The following DLGAP1 variants were observed in gnomAD, a reference collection of about 807,000 sequenced individuals.
DLGAP1 encodes DLG associated protein 1.
DLGAP1 carries 11 observed loss-of-function variants against 90.8 expected under a neutral mutation model. The observed-to-expected ratio is 0.12, with a 90% CI of 0.08 to 0.20. The LOEUF (loss-of-function observed/expected upper bound fraction) is 0.20, where lower values mean the gene tolerates loss of function less well. DLGAP1 is among the 10% of genes least tolerant of loss of function. DLGAP1 has a pLI of 1.00. For synonymous variants in DLGAP1, 558 were observed against 540.7 expected (o/e 1.03, Z -0.44); for missense variants, 1,050 against 1,333.8 (o/e 0.79, Z 3.31).
At chr18:3,764,081 T>C (rs1598639836) in intron 5 of DLGAP1, among the ~76,000 whole-genome samples, 1 of 152,248 alleles carries the variant, frequency 6.6e-6, no homozygotes. Context: ...GTGCGTTACA[T>C]GGCCCTATGC....
chr18:3,552,530 G>T (rs758034823), intron 9 of DLGAP1, among the ~76,000 whole-genome samples: 8 of 152,188 alleles, frequency 5.3e-5, no homozygotes, highest in Non-Finnish European at 7.3e-5. Context: ...CATGTAGAGG[G>T]TTCTGTGCCT....
At chr18:3,845,634 T>C (rs1054159638) in intron 4 of DLGAP1, 2 of 984,738 alleles carry the variant, frequency 2.0e-6, no homozygotes, top group Admixed American at 1.2e-4. Context: ...AATTCTGGGC[T>C]ATTGATCACT....
chr18:4,115,331 C>T, intron 2 of DLGAP1, among the ~76,000 whole-genome samples: 1 of 130,218 alleles, frequency 7.7e-6, no homozygotes. Context: ...TTTACATAAT[C>T]TTATGTTTTT....
intron 7 of DLGAP1, among the ~76,000 whole-genome samples, chr18:3,649,291 C>G (rs1427608034): frequency 6.6e-6 from 1 of 152,228 alleles, no homozygotes; most frequent in Non-Finnish European, 1.5e-5. Context: ...ATCGAACACT[C>G]CAAACTGGGG....
At chr18:3,719,426 C>T (rs1489227696) in intron 7 of DLGAP1, among the ~76,000 whole-genome samples, 7 of 151,614 alleles carry the variant, frequency 4.6e-5, no homozygotes, top group African/African-American at 7.3e-5. Flanking sequence ...GGTGTGGTGG[C>T]GGGCACCTGT....
chr18:4,327,425 G>A (rs1047544791), intron 1 of DLGAP1, among the ~76,000 whole-genome samples: 2 of 151,954 alleles, frequency 1.3e-5, no homozygotes, highest in Admixed American at 1.3e-4. Flanking sequence ...GAAGGTGTAA[G>A]TAATCAAGAG....
intron 1 of DLGAP1, among the ~76,000 whole-genome samples, chr18:4,434,018 G>A (rs944993937): frequency 2.0e-5 from 3 of 151,984 alleles, no homozygotes; most frequent in Admixed American, 2.0e-4. Context: ...AGCCCTTTCA[G>A]TTACTCACTT....
intron 3 of DLGAP1, among the ~76,000 whole-genome samples, chr18:3,927,004 TA>T (rs151070122): frequency 6.6e-6 from 1 of 151,982 alleles, no homozygotes; most frequent in Admixed American, 6.6e-5. Context: ...GGCAGCAAAT[TA>T]AAAAAATTTA....
At chr18:4,063,398 A>G (rs1052958379) in intron 2 of DLGAP1, among the ~76,000 whole-genome samples, 10 of 152,150 alleles carry the variant, frequency 6.6e-5, no homozygotes, top group African/African-American at 2.4e-4. Flanking sequence ...TTATCTGACT[A>G]TATAAGATAC....
At chr18:3,921,991 G>T (rs535297508) in intron 3 of DLGAP1, among the ~76,000 whole-genome samples, 1 of 151,328 alleles carries the variant, frequency 6.6e-6, no homozygotes. Flanking sequence ...GACAGTTGCC[G>T]CCTCAGACCT....
chr18:3,947,225 A>T (rs1673819094), intron 3 of DLGAP1, among the ~76,000 whole-genome samples: 1 of 152,160 alleles, frequency 6.6e-6, no homozygotes, highest in African/African-American at 2.4e-5. Context: ...AAGAAACAGA[A>T]AGAACTCTCT....
intron 1 of DLGAP1, among the ~76,000 whole-genome samples, chr18:4,312,782 G>C (rs62085585): frequency 0.019 from 2,955 of 152,124 alleles, 35 homozygotes; most frequent in Admixed American, 0.029. Flanking sequence ...CTGTGCCAAA[G>C]TACAGAAATA....
intron 5 of DLGAP1, among the ~76,000 whole-genome samples, chr18:3,812,478 T>C (rs1418998731): frequency 6.6e-6 from 1 of 152,142 alleles, no homozygotes; most frequent in African/African-American, 2.4e-5. Flanking sequence ...TGTGACCTTA[T>C]CTGGAAATAG....
intron 7 of DLGAP1, among the ~76,000 whole-genome samples, chr18:3,664,703 G>A (rs1180472946): frequency 1.3e-5 from 2 of 152,170 alleles, no homozygotes; most frequent in African/African-American, 2.4e-5. Flanking sequence ...ATTGACGCTA[G>A]TCTCTACCCC....
chr18:4,398,333 A>ATT (rs33972681), intron 1 of DLGAP1, among the ~76,000 whole-genome samples: 2,053 of 152,254 alleles, frequency 0.013, 51 homozygotes, highest in African/African-American at 0.047. Flanking sequence ...TCATAAAGCA[A>ATT]TTTTTTTCAT....
At chr18:4,080,945 A>G (rs1209578695) in intron 2 of DLGAP1, among the ~76,000 whole-genome samples, 1 of 150,846 alleles carries the variant, frequency 6.6e-6, no homozygotes, top group Non-Finnish European at 1.5e-5. Flanking sequence ...CTGGAGTGCA[A>G]TGGCGCAATC....
chr18:4,153,774 T>G (rs1380802725), intron 1 of DLGAP1, among the ~76,000 whole-genome samples: 1 of 152,210 alleles, frequency 6.6e-6, no homozygotes, highest in Admixed American at 6.5e-5. Flanking sequence ...GGGAGTTGCC[T>G]GCTGAGTCCC....
At chr18:3,977,796 G>T in intron 3 of DLGAP1, 1 of 384,708 alleles carries the variant, frequency 2.6e-6, no homozygotes, top group East Asian at 7.7e-5. Context: ...TGCTGTTAAA[G>T]TCAGAGGCGA....
At chr18:3,568,680 A>G (rs1309880654) in intron 8 of DLGAP1, among the ~76,000 whole-genome samples, 1 of 151,724 alleles carries the variant, frequency 6.6e-6, no homozygotes, top group Non-Finnish European at 1.5e-5. Flanking sequence ...TATATATTTA[A>G]ATTTTTGTTT....
Sources: allele counts gnomAD v4.1 joint callset (sites outside exome capture counted in the v4.1 genomes callset), GRCh38; gene constraint gnomAD v4.1.1; transcripts MANE v1.5; gene names NCBI Gene and HGNC (gene_info 2026-07-23, HGNC 2026-07-21).